Variants in ZNF385B observed in about 807,000 individuals in gnomAD.
ZNF385B encodes zinc finger protein 533.
Under a neutral mutation model 39.2 loss-of-function variants are expected in ZNF385B, and 23 were observed. The observed-to-expected ratio is 0.59, with a 90% CI of 0.42 to 0.83. ZNF385B has a LOEUF of 0.83. Among genes scored for constraint, ZNF385B ranks in the 40% least tolerant of loss-of-function variants. The pLI, the probability that ZNF385B is intolerant of heterozygous loss-of-function variation, is 0.00. For missense variants in ZNF385B, 552 were observed against 598.9 expected (o/e 0.92, Z 0.82); for synonymous variants, 205 against 222.6 (o/e 0.92, Z 0.70).
chr2:179,694,703 G>T (rs560621164), intron 3 of ZNF385B, among the ~76,000 whole-genome samples: 2 of 152,276 alleles, frequency 1.3e-5, no homozygotes, highest in South Asian at 4.1e-4. Flanking sequence ...GTCAAGGTAG[G>T]CAGATCATTT....
chr2:179,483,456 G>C, intron 5 of ZNF385B, 22 bp from the exon 6 acceptor site: 2 of 1,612,994 alleles, frequency 1.2e-6, no homozygotes, highest in East Asian at 2.2e-5. Flanking sequence ...AACAAATCAG[G>C]CTCATTTTTT....
chr2:179,737,131 T>C (rs1343782206), intron 3 of ZNF385B, among the ~76,000 whole-genome samples: 2 of 152,200 alleles, frequency 1.3e-5, no homozygotes, highest in African/African-American at 4.8e-5. Context: ...GGGTTGCACA[T>C]GGAACTGGGC....
At position 179,488,130 on chromosome 2, in the gene ZNF385B, CCTTA is replaced by C. The variant is rs1405396631; in HGVS notation, c.553-4700_553-4697del. 3.9e-5 allele frequency among the ~76,000 whole-genome samples: 6 copies of C among 152,160 alleles called. No individual in the cohort carries two copies. In the East Asian group the frequency reaches 7.7e-4, roughly 20 times the overall value. Reference sequence around the variant, plus strand: ...ACTGTGCTCTCATTTCTGATTTTTACCTTACTTATTTCTTTTCTTTTCTTTTTTT... The same window carrying C: ...ACTGTGCTCTCATTTCTGATTTTTACCTTATTTCTTTTCTTTTCTTTTTTT... On this transcript the variant is annotated intron_variant, in intron 5 of 9. Coordinates refer to ENST00000410066, the MANE Select transcript of ZNF385B (RefSeq NM_152520.6).
rs1685054817 is a variant in ZNF385B, at chr2:179,861,371, C to T, written c.-425G>A. 2.7e-5 allele frequency: 4 copies of T among 150,128 alleles called. No homozygotes were observed. Among genetic ancestry groups the T allele is most frequent in the African/African-American group, 7.3e-5 (3 of 41,142 alleles). The allele number at this position is 150,128 out of a possible 1,614,324, so 9.3% of individuals were successfully genotyped here. ...TAAGCGCCCGGCCGCTGCCCCCGCG[C>T]TGAGCGCCTGCGCACCGGGCCTCGC... On this transcript the variant is annotated 5_prime_UTR_variant, in exon 1 of 10. Coordinates refer to ENST00000410066, the MANE Select transcript of ZNF385B (RefSeq NM_152520.6).
At chr2:179,679,682 T>C (rs1033098749) in intron 3 of ZNF385B, among the ~76,000 whole-genome samples, 7 of 152,176 alleles carry the variant, frequency 4.6e-5, no homozygotes, top group Admixed American at 1.3e-4. Flanking sequence ...TGGAGATTCC[T>C]ATGCTTTCGA....
At chr2:179,720,467 A>G (rs1180762551) in intron 3 of ZNF385B, among the ~76,000 whole-genome samples, 43 of 103,552 alleles carry the variant, frequency 4.2e-4, no homozygotes, top group African/African-American at 1.5e-3. Flanking sequence ...GGGGAGAGGA[A>G]AGGAGAGCAG....
chr2:179,694,051 A>G (rs991301321), intron 3 of ZNF385B, among the ~76,000 whole-genome samples: 2 of 152,230 alleles, frequency 1.3e-5, no homozygotes, highest in African/African-American at 4.8e-5. Flanking sequence ...ATCTTCAAAT[A>G]TAGAACTTTA....
intron 4 of ZNF385B, among the ~76,000 whole-genome samples, chr2:179,529,464 A>G (rs1356016735): frequency 6.6e-6 from 1 of 152,210 alleles, no homozygotes; most frequent in Non-Finnish European, 1.5e-5. Context: ...TGGTCAAAGT[A>G]TACATAAGAT....
At chr2:179,733,324 G>C (rs545921158) in intron 3 of ZNF385B, among the ~76,000 whole-genome samples, 149 of 152,270 alleles carry the variant, frequency 9.8e-4, no homozygotes, top group African/African-American at 2.8e-3. Context: ...CATTAACTGT[G>C]ACTAGAAACC....
At chr2:179,841,925 A>T (rs1456431130) in intron 1 of ZNF385B, among the ~76,000 whole-genome samples, 1 of 152,048 alleles carries the variant, frequency 6.6e-6, no homozygotes, top group Non-Finnish European at 1.5e-5. Context: ...AAAATGACAC[A>T]CTCCCCACAA....
At chr2:179,467,208 A>C (rs914921564) in intron 6 of ZNF385B, among the ~76,000 whole-genome samples, 4 of 152,132 alleles carry the variant, frequency 2.6e-5, no homozygotes, top group Non-Finnish European at 4.4e-5. Context: ...CTATCCATTT[A>C]GGCTTCCTCC....
Position 179,555,874 on chromosome 2 carries a change from C to T in ZNF385B, c.299-10905G>A, listed in dbSNP as rs144491214. Among the ~76,000 whole-genome samples the T allele has an allele frequency of 4.5e-4, 67 of 149,102 alleles. 6 individuals carry two copies. The highest frequency in any genetic ancestry group is 1.6e-3 in the African/African-American group (62 of 39,468). ...GAAGCTCAGGGTTCTCCCTAAAGAGCTCCGACAGCAGCCACCATGGCAGCA... is the reference window on the plus strand; with the variant it reads ...GAAGCTCAGGGTTCTCCCTAAAGAGTTCCGACAGCAGCCACCATGGCAGCA... On this transcript the variant is annotated intron_variant, in intron 3 of 9. Transcript: ENST00000410066.
intron 4 of ZNF385B, among the ~76,000 whole-genome samples, chr2:179,524,798 AG>A (rs1035053842): frequency 6.6e-6 from 1 of 152,094 alleles, no homozygotes; most frequent in African/African-American, 2.4e-5. Context: ...AGGCACAAAA[AG>A]GTCTGTCTCC....
At chr2:179,658,787 AT>A (rs776438873) in intron 3 of ZNF385B, among the ~76,000 whole-genome samples, 1 of 151,248 alleles carries the variant, frequency 6.6e-6, no homozygotes. Flanking sequence ...TTACATTCTT[AT>A]TTTTTTTTGA....
intron 3 of ZNF385B, among the ~76,000 whole-genome samples, chr2:179,549,617 A>G (rs2060443810): frequency 6.7e-6 from 1 of 149,670 alleles, no homozygotes; most frequent in Non-Finnish European, 1.5e-5. Flanking sequence ...TAAAATTTCT[A>G]TTTCAATGAT....
At chr2:179,676,242 A>T (rs1462518742) in intron 3 of ZNF385B, among the ~76,000 whole-genome samples, 1 of 145,786 alleles carries the variant, frequency 6.9e-6, no homozygotes, top group Non-Finnish European at 1.5e-5. Context: ...GCGCCCACCA[A>T]CACACCCGGC....
At position 179,679,000 on chromosome 2, in the gene ZNF385B, C is replaced by G. The variant is rs1388287207; in HGVS notation, c.298+90503G>C. 4.6e-5 allele frequency among the ~76,000 whole-genome samples: 7 copies of G among 152,120 alleles called. No individual in the cohort carries two copies. The East Asian group carries it at 1.3e-3, about 29-fold the overall frequency. On this transcript the variant is annotated intron_variant, in intron 3 of 9. Coordinates refer to ENST00000410066, the MANE Select transcript of ZNF385B (RefSeq NM_152520.6). ...AATTTCCTTAAGGTTAGAAATTGTG[C>G]TTTCTTAGAATACAAAGAACACTTT...
At chr2:179,607,908 CTTTTTTTT>C (rs71029822) in intron 3 of ZNF385B, among the ~76,000 whole-genome samples, 3 of 97,448 alleles carry the variant, frequency 3.1e-5, no homozygotes, top group African/African-American at 8.8e-5. Context: ...CTCAGAAACT[CTTTTTTTT>C]TTTTTTTTTT....
intron 1 of ZNF385B, among the ~76,000 whole-genome samples, chr2:179,784,404 A>G (rs546301507): frequency 1.3e-5 from 2 of 152,184 alleles, no homozygotes; most frequent in African/African-American, 4.8e-5. Flanking sequence ...TAATCTGTAC[A>G]ACAAACCCTT....
Sources: gnomAD v4.1 joint callset for allele counts (sites outside exome capture counted in the v4.1 genomes callset) on GRCh38, gnomAD v4.1.1 for gene constraint, MANE v1.5 for transcripts, NCBI Gene and HGNC (gene_info 2026-07-23, HGNC 2026-07-21) for gene names.